XDH: variants seen among roughly 807,000 people sequenced by gnomAD.
XDH encodes xanthine dehydrogenase, also known as xanthine dehydrogenase/oxidase.
In XDH, 138 loss-of-function variants were observed where a neutral mutation model predicts 156.1. That is an observed-to-expected ratio of 0.88 (90% CI 0.77 to 1.02). The LOEUF is 1.02. Ranked by LOEUF, XDH falls within the 50% of genes least tolerant of loss-of-function variation. XDH has a pLI of 0.00. For missense variants in XDH, 1,849 were observed against 1,684.9 expected (o/e 1.10, Z -1.71); for synonymous variants, 669 against 625.7 (o/e 1.07, Z -1.03).
At chr2:31,398,746 C>G (rs1293607158) in intron 4 of XDH, 47 bp from the exon 5 acceptor site, 1 of 1,610,754 alleles carries the variant, frequency 6.2e-7, no homozygotes, top group Non-Finnish European at 8.5e-7. Context: ...AGAACCCTCC[C>G]AGGCTCCCCA....
In XDH at chr2:31,381,670, G is replaced by A. The variant is rs201928524; in HGVS notation, c.1095C>T (p.Phe365=). 33 of 1,614,100 alleles carry A rather than the reference G, an allele frequency of 2.0e-5. No homozygotes were observed. The African/African-American group carries it at 3.9e-4, about 19-fold the overall frequency. Residue 365 remains phenylalanine (F), a synonymous_variant, in exon 12 of 36, where the codon TTC becomes TTT. Transcript: ENST00000379416. ...GTGTCAGCTTGGCCCCACTGGCCAT[G>A]AACACGGGGTTGAGGTCGGAGATGG... ...ASPISDLNPV[F]MASGAKLTLV... is the part of the protein sequence containing the mutation.
chr2:31,384,679 C>A (rs528551), intron 9 of XDH, among the ~76,000 whole-genome samples: 5 of 152,160 alleles, frequency 3.3e-5, no homozygotes, highest in Admixed American at 6.5e-5. Flanking sequence ...CTTTGCCCCC[C>A]CTTCCCCCCA....
intron 31 of XDH, among the ~76,000 whole-genome samples, chr2:31,343,422 A>C (rs1336519586): frequency 7.0e-6 from 1 of 143,262 alleles, no homozygotes; most frequent in African/African-American, 2.5e-5. Context: ...ATGGCATAGA[A>C]ATGTTTTTTT....
At chr2:31,340,234 A>G (rs1160515688) in intron 33 of XDH, among the ~76,000 whole-genome samples, 2 of 152,164 alleles carry the variant, frequency 1.3e-5, no homozygotes, top group African/African-American at 4.8e-5. Flanking sequence ...GCATTCAGAA[A>G]AGAAACCGAC....
chr2:31,377,442 A>G (rs575606196), intron 13 of XDH, among the ~76,000 whole-genome samples: 13 of 149,406 alleles, frequency 8.7e-5, no homozygotes, highest in South Asian at 2.1e-4. Flanking sequence ...CCAGAAGCTG[A>G]AAAAAAAAAC....
intron 1 of XDH, among the ~76,000 whole-genome samples, chr2:31,409,125 G>A (rs1244051315): frequency 6.6e-6 from 1 of 151,986 alleles, no homozygotes; most frequent in East Asian, 1.9e-4. Flanking sequence ...GTAGAAGGAT[G>A]GTATCAGAGG....
intron 24 of XDH, among the ~76,000 whole-genome samples, chr2:31,363,276 A>G (rs1367912856): frequency 6.6e-6 from 1 of 152,240 alleles, no homozygotes; most frequent in Non-Finnish European, 1.5e-5. Context: ...GTGCCACTGC[A>G]CTCCAGCCTG....
intron 1 of XDH, among the ~76,000 whole-genome samples, chr2:31,410,700 A>T (rs1180217834): frequency 6.6e-6 from 1 of 152,202 alleles, no homozygotes; most frequent in African/African-American, 2.4e-5. Context: ...TCTGAATCTA[A>T]TTACAAGAAA....
chr2:31,389,915 C>T (rs13418515), intron 6 of XDH, among the ~76,000 whole-genome samples: 22,022 of 151,822 alleles, frequency 0.15, 1,757 homozygotes, highest in African/African-American at 0.18. Context: ...GTAGAGAATT[C>T]CCAAATACCC....
At chr2:31,389,193 A>G (rs1686695677) in intron 6 of XDH, among the ~76,000 whole-genome samples, 1 of 152,228 alleles carries the variant, frequency 6.6e-6, no homozygotes, top group Non-Finnish European at 1.5e-5. Context: ...CAGCCACAGG[A>G]GACACCATGC....
At chr2:31,360,579 G>A (rs1685750196) in intron 24 of XDH, among the ~76,000 whole-genome samples, 1 of 152,150 alleles carries the variant, frequency 6.6e-6, no homozygotes, top group African/African-American at 2.4e-5. Context: ...GTCCTGTGCG[G>A]GATGTGAATC....
At chr2:31,358,897 C>T (rs1395472247) in intron 24 of XDH, among the ~76,000 whole-genome samples, 2 of 152,080 alleles carry the variant, frequency 1.3e-5, no homozygotes, top group African/African-American at 4.8e-5. Flanking sequence ...TCTGCAAGGT[C>T]TGGCTAGCCA....
At chr2:31,380,018 G>C (rs1414100257) in intron 12 of XDH, 42 bp from the exon 13 acceptor site, 2 of 1,591,482 alleles carry the variant, frequency 1.3e-6, no homozygotes, top group Middle Eastern at 2.0e-4. Context: ...GTGAGGGAAA[G>C]GCTGGGAACC....
chr2:31,385,524 G>A (rs1211347352), intron 9 of XDH, among the ~76,000 whole-genome samples: 3 of 152,194 alleles, frequency 2.0e-5, no homozygotes, highest in Admixed American at 6.5e-5. Flanking sequence ...TGACTGCTTA[G>A]AAGGAGAGCA....
chr2:31,359,850 GAACAA>G (rs1195618956), intron 24 of XDH, among the ~76,000 whole-genome samples: 2 of 152,140 alleles, frequency 1.3e-5, no homozygotes, highest in Non-Finnish European at 2.9e-5. Flanking sequence ...GGATATTAAG[GAACAA>G]TGATTCATTA....
At position 31,366,868 on chromosome 2, in the gene XDH, A is replaced by G. The variant is rs1375434401; in HGVS notation, c.2322+2T>C. ...CCTTGAGCTGACCCAAAAGGCATCTACCTGGGTCTTCATGGTGTTCTGTGT... is the reference window on the plus strand; with the variant it reads ...CCTTGAGCTGACCCAAAAGGCATCTGCCTGGGTCTTCATGGTGTTCTGTGT... On this transcript the variant is annotated splice_donor_variant, in intron 21 of 35. Coordinates refer to ENST00000379416, the MANE Select transcript of XDH (RefSeq NM_000379.4). LOFTEE classifies it high-confidence loss of function. 1.2e-6 allele frequency: 2 copies of G among 1,614,054 alleles called. No individual in the cohort carries two copies. Among genetic ancestry groups the G allele is most frequent in the East Asian group, 4.5e-5 (2 of 44,876 alleles).
intron 32 of XDH, among the ~76,000 whole-genome samples, chr2:31,341,716 G>T (rs2148750045): frequency 6.6e-6 from 1 of 152,246 alleles, no homozygotes. Context: ...TCTGAGTCTG[G>T]GTAGATCATG....
At chr2:31,337,084 A>T (rs939476309) in intron 35 of XDH, among the ~76,000 whole-genome samples, 3 of 151,792 alleles carry the variant, frequency 2.0e-5, no homozygotes, top group African/African-American at 4.8e-5. Flanking sequence ...TGCCACATAC[A>T]CCTCCAAGGC....
intron 25 of XDH, 33 bp downstream of exon 25, chr2:31,349,999 A>T (rs776110828): frequency 1.2e-6 from 2 of 1,612,890 alleles, no homozygotes; most frequent in East Asian, 4.5e-5. Context: ...AGTCTAAAGC[A>T]CTCTGACTTG....
Sources: allele counts gnomAD v4.1 joint callset (sites outside exome capture counted in the v4.1 genomes callset), GRCh38; gene constraint gnomAD v4.1.1; transcripts MANE v1.5; gene names NCBI Gene and HGNC (gene_info 2026-07-23, HGNC 2026-07-21).